MLIP: variants seen among roughly 807,000 people sequenced by gnomAD.
MLIP encodes muscular LMNA interacting protein, also known as muscular LMNA-interacting protein.
In MLIP, 79 loss-of-function variants were observed where a neutral mutation model predicts 84.8. The ratio of observed to expected loss-of-function variants is 0.93; its 90% confidence interval spans 0.78 to 1.12. The LOEUF (loss-of-function observed/expected upper bound fraction) is 1.12. Among genes scored for constraint, MLIP ranks in the 50% most tolerant of loss-of-function variants. The probability of loss-of-function intolerance (pLI) is 0.00; values close to 1 mark genes in which losing one functional copy is unlikely to be tolerated. For synonymous variants in MLIP, 504 were observed against 463.0 expected (o/e 1.09, Z -1.14); for missense variants, 1,257 against 1,160.6 (o/e 1.08, Z -1.21).
intron 1 of MLIP, among the ~76,000 whole-genome samples, chr6:54,023,255 A>G (rs184251152): frequency 2.6e-4 from 40 of 151,792 alleles, no homozygotes; most frequent in African/African-American, 8.9e-4. Flanking sequence ...GTACAATCAA[A>G]TCAACACAGT....
chr6:54,252,018 T>G (rs1234264052), intron 12 of MLIP, among the ~76,000 whole-genome samples: 1 of 92,114 alleles, frequency 1.1e-5, no homozygotes, highest in Non-Finnish European at 1.8e-5. Context: ...ATATATAATA[T>G]AAATATATAT....
intron 1 of MLIP, among the ~76,000 whole-genome samples, chr6:54,021,259 C>A (rs999014720): frequency 2.0e-5 from 3 of 151,758 alleles, no homozygotes; most frequent in South Asian, 2.1e-4. Flanking sequence ...TAGTAAAGTT[C>A]GTAAAAGTCT....
intron 8 of MLIP, among the ~76,000 whole-genome samples, chr6:54,165,404 T>C (rs1775073604): frequency 1.3e-5 from 2 of 151,912 alleles, no homozygotes; most frequent in African/African-American, 4.8e-5. Flanking sequence ...AAACCTATAG[T>C]TAACTATTTT....
chr6:54,097,898 G>A lies in MLIP; in HGVS notation c.64-23549G>A, dbSNP rs115714423. The stretch of plus-strand genomic sequence containing the variant: ...AGAACCCAGCCTCACACTCATGTTT[G>A]TCAAATTCCCCAATCCGATGACTTG... On this transcript the variant is annotated intron_variant, in intron 1 of 12. Transcript: ENST00000274897. Among the ~76,000 whole-genome samples the A allele has an allele frequency of 6.2e-3, 951 of 152,210 alleles. 12 individuals carry two copies. The highest frequency in any genetic ancestry group is 0.022 in the African/African-American group (900 of 41,532).
chr6:54,208,623 G>A (rs1779206566), intron 11 of MLIP, among the ~76,000 whole-genome samples: 1 of 152,156 alleles, frequency 6.6e-6, no homozygotes, highest in Non-Finnish European at 1.5e-5. Context: ...AAAAAAAGAT[G>A]CATTCATATG....
intron 1 of MLIP, among the ~76,000 whole-genome samples, chr6:54,071,714 A>G (rs1477988216): frequency 6.6e-6 from 1 of 152,192 alleles, no homozygotes; most frequent in African/African-American, 2.4e-5. Flanking sequence ...ATTCATATGA[A>G]TATGTTTGTT....
intron 13 of MLIP, among the ~76,000 whole-genome samples, chr6:54,263,496 C>T (rs1783513723): frequency 6.6e-6 from 1 of 151,934 alleles, no homozygotes; most frequent in African/African-American, 2.4e-5. Flanking sequence ...TTGGAAATGG[C>T]TTTTTGTTCT....
chr6:54,264,382 A>G (rs1350055725), intron 13 of MLIP, among the ~76,000 whole-genome samples: 2 of 152,076 alleles, frequency 1.3e-5, no homozygotes, highest in Non-Finnish European at 2.9e-5. Context: ...ACTAAGACAA[A>G]CTAAGTAATG....
At chr6:54,252,345 A>G (rs1413798467) in intron 12 of MLIP, among the ~76,000 whole-genome samples, 10 of 119,738 alleles carry the variant, frequency 8.4e-5, no homozygotes, top group East Asian at 4.7e-4. Flanking sequence ...AATATATAAT[A>G]TAACTATAAT....
chr6:54,255,348 G>A (rs549314363), intron 12 of MLIP, among the ~76,000 whole-genome samples: 1 of 152,208 alleles, frequency 6.6e-6, no homozygotes, highest in African/African-American at 2.4e-5. Flanking sequence ...TATTACTAGT[G>A]CTCACCTTAC....
intron 12 of MLIP, among the ~76,000 whole-genome samples, chr6:54,248,851 G>A (rs6918664): frequency 0.024 from 3,611 of 152,086 alleles, 127 homozygotes; most frequent in African/African-American, 0.079. Flanking sequence ...GTGAGTGTTT[G>A]GTGGGCTTAC....
At chr6:54,089,389 A>G (rs897140735) in intron 1 of MLIP, among the ~76,000 whole-genome samples, 1 of 152,154 alleles carries the variant, frequency 6.6e-6, no homozygotes, top group African/African-American at 2.4e-5. Context: ...TTATATCCCA[A>G]GGCCACAGGA....
rs1372595499 is a variant in MLIP at position 54,251,558 on chromosome 6, T to C, written c.2923-5750T>C. 1.7e-4 allele frequency among the ~76,000 whole-genome samples: 13 copies of C among 75,180 alleles called. 1 individual carries two copies. Among genetic ancestry groups the C allele is most frequent in the Non-Finnish European group, 2.6e-4 (12 of 45,532 alleles). The allele number at this position is 75,180 out of a possible 152,430, so 49.3% of individuals were successfully genotyped here. A position where few individuals can be genotyped will look rare whatever the true frequency, so the allele number is the denominator to read the frequency against. ...ATATAATATATAGTATATATAGTAA[T>C]ATAAATATATATTATAGCATATAAT... On this transcript the variant is annotated intron_variant, in intron 12 of 13. Coordinates refer to ENST00000502396, the MANE Select transcript of MLIP (RefSeq NM_001281747.2).
intron 10 of MLIP, among the ~76,000 whole-genome samples, chr6:54,195,534 T>C (rs571298191): frequency 3.9e-5 from 6 of 152,120 alleles, no homozygotes; most frequent in Non-Finnish European, 5.9e-5. Context: ...CTTTGGTCTC[T>C]AGCTCAGAGG....
intron 12 of MLIP, among the ~76,000 whole-genome samples, chr6:54,237,228 C>T (rs900463983): frequency 6.6e-6 from 1 of 151,398 alleles, no homozygotes; most frequent in Non-Finnish European, 1.5e-5. Flanking sequence ...CTTCATATGG[C>T]TGGGGAACTC....
At chr6:54,023,727 GC>G (rs1763641489) in intron 1 of MLIP, among the ~76,000 whole-genome samples, 1 of 151,790 alleles carries the variant, frequency 6.6e-6, no homozygotes, top group African/African-American at 2.4e-5. Context: ...GCACCACCAT[GC>G]CTGGCTAATT....
intron 1 of MLIP, among the ~76,000 whole-genome samples, chr6:54,096,870 G>T (rs1768251293): frequency 6.6e-6 from 1 of 152,178 alleles, no homozygotes. Context: ...GAATGTAAGT[G>T]CTACAATGTT....
At chr6:54,123,355 A>T (rs547975457) in intron 2 of MLIP, among the ~76,000 whole-genome samples, 2 of 152,236 alleles carry the variant, frequency 1.3e-5, no homozygotes, top group African/African-American at 4.8e-5. Flanking sequence ...CAATGAAAAA[A>T]ATGAAAAAAG....
At chr6:54,230,218 T>G (rs184539400) in intron 11 of MLIP, among the ~76,000 whole-genome samples, 1 of 152,180 alleles carries the variant, frequency 6.6e-6, no homozygotes, top group Non-Finnish European at 1.5e-5. Flanking sequence ...ACTCCGAAAC[T>G]TATTGTGTCA....
Sources: gnomAD v4.1 joint callset for allele counts (sites outside exome capture counted in the v4.1 genomes callset) on GRCh38, gnomAD v4.1.1 for gene constraint, MANE v1.5 for transcripts, NCBI Gene and HGNC (gene_info 2026-07-23, HGNC 2026-07-21) for gene names.